Variants in MARCHF1 observed in about 807,000 individuals in gnomAD.
MARCHF1 encodes the protein membrane associated ring-CH-type finger 1.
A neutral mutation model predicts 54.2 loss-of-function variants in MARCHF1; 40 were observed. The ratio of observed to expected loss-of-function variants is 0.74; its 90% CI spans 0.57 to 0.96. The LOEUF (loss-of-function observed/expected upper bound fraction) is 0.96, where lower values mean the gene tolerates loss of function less well. MARCHF1 is among the 40% of genes least tolerant of loss of function. The pLI is 0.00. For missense variants in MARCHF1, 586 were observed against 656.5 expected (o/e 0.89, Z 1.17); for synonymous variants, 236 against 236.3 (o/e 1.00, Z 0.01).
intron 7 of MARCHF1, among the ~76,000 whole-genome samples, chr4:163,592,877 C>A (rs764926618): frequency 9.2e-5 from 14 of 152,152 alleles, no homozygotes; most frequent in South Asian, 2.1e-4. Context: ...TTAAGATTCC[C>A]CCATTCCCTC....
intron 1 of MARCHF1, among the ~76,000 whole-genome samples, chr4:164,297,144 G>C (rs1298611117): frequency 6.6e-6 from 1 of 152,096 alleles, no homozygotes; most frequent in African/African-American, 2.4e-5. Flanking sequence ...ATGTAAAAAT[G>C]GTAGGTACTA....
intron 1 of MARCHF1, among the ~76,000 whole-genome samples, chr4:164,140,851 A>T (rs1756515267): frequency 6.6e-6 from 1 of 152,142 alleles, no homozygotes; most frequent in African/African-American, 2.4e-5. Flanking sequence ...CACAAAGTAC[A>T]TCTCTAACTA....
intron 4 of MARCHF1, among the ~76,000 whole-genome samples, chr4:163,816,687 G>C (rs116759425): frequency 6.6e-6 from 1 of 152,114 alleles, no homozygotes; most frequent in East Asian, 1.9e-4. Flanking sequence ...CCTTACAGAG[G>C]GGGGCACTGA....
rs367812161 is a variant in MARCHF1, at chr4:164,062,186, A to T, written c.-248+49402T>A. The stretch of plus-strand genomic sequence containing the variant: ...GCTCATCCATAAGAAACAACTTCTC[A>T]TTCATTTAAATTTTATCATGAGATT... On this transcript the variant is annotated intron_variant, in intron 2 of 9. Transcript: ENST00000514618. Among the ~76,000 whole-genome samples, 70 of 152,346 alleles carry T rather than the reference A, an allele frequency of 4.6e-4. 1 individual carries two copies. The East Asian group carries it at 7.3e-3, about 16-fold the overall frequency.
At chr4:163,867,364 T>TGACAATAAATATAAATTTGGC in intron 3 of MARCHF1, among the ~76,000 whole-genome samples, 1 of 152,102 alleles carries the variant, frequency 6.6e-6, no homozygotes, top group South Asian at 2.1e-4. Flanking sequence ...CTGGTGATAA[T>TGACAATAAATATAAATTTGGC]GACAATAAAT....
At chr4:163,865,291 A>T (rs1750024443) in intron 3 of MARCHF1, among the ~76,000 whole-genome samples, 1 of 151,924 alleles carries the variant, frequency 6.6e-6, no homozygotes, top group African/African-American at 2.4e-5. Context: ...AGCTTTCTCC[A>T]GTGTGAAACA....
At chr4:163,712,762 C>T (rs1435629102) in intron 4 of MARCHF1, among the ~76,000 whole-genome samples, 2 of 152,108 alleles carry the variant, frequency 1.3e-5, no homozygotes, top group South Asian at 2.1e-4. Context: ...AACAAAGTGC[C>T]AGGAAAGTTG....
At chr4:164,035,236 T>C (rs1293885272) in intron 2 of MARCHF1, among the ~76,000 whole-genome samples, 1 of 152,140 alleles carries the variant, frequency 6.6e-6, no homozygotes, top group African/African-American at 2.4e-5. Flanking sequence ...TTTCCAATGT[T>C]ATTCTAAATG....
chr4:163,761,921 A>G (rs1488645955), intron 4 of MARCHF1, among the ~76,000 whole-genome samples: 1 of 152,190 alleles, frequency 6.6e-6, no homozygotes, highest in Non-Finnish European at 1.5e-5. Flanking sequence ...CTAACTGATA[A>G]AGCCTTTATG....
intron 4 of MARCHF1, among the ~76,000 whole-genome samples, chr4:163,721,587 T>A (rs1346660254): frequency 6.6e-6 from 1 of 152,166 alleles, no homozygotes; most frequent in Non-Finnish European, 1.5e-5. Flanking sequence ...TTGATTGGAA[T>A]AGTTTCAGAA....
Position 163,529,174 on chromosome 4 carries a change from T to C in MARCHF1, c.1340-128A>G, listed in dbSNP as rs1033586893. 3 of 663,296 alleles carry C rather than the reference T, an allele frequency of 4.5e-6. No individual in the cohort carries two copies. The Admixed American group carries it at 9.0e-5, about 20-fold the overall frequency. The allele number at this position is 663,296 out of a possible 1,614,324, so 41.1% of individuals were successfully genotyped here. A position where few individuals can be genotyped will look rare whatever the true frequency, so the allele number is the denominator to read the frequency against. ...ATTATGTATGTTAACAGAAATAATATATTCTTCATAACTAGAAAGAATTAT... is the reference window on the plus strand; with the variant it reads ...ATTATGTATGTTAACAGAAATAATACATTCTTCATAACTAGAAAGAATTAT... On this transcript the variant is annotated intron_variant, in intron 9 of 9. Coordinates refer to ENST00000514618, the MANE Select transcript of MARCHF1 (RefSeq NM_001394959.1).
intron 1 of MARCHF1, among the ~76,000 whole-genome samples, chr4:164,202,098 A>C (rs1458024525): frequency 1.3e-5 from 2 of 152,308 alleles, no homozygotes; most frequent in African/African-American, 4.8e-5. Context: ...CATGCAAAAC[A>C]TTATGCTATG....
At chr4:164,080,760 A>C (rs1431164613) in intron 2 of MARCHF1, among the ~76,000 whole-genome samples, 1 of 152,008 alleles carries the variant, frequency 6.6e-6, no homozygotes, top group Non-Finnish European at 1.5e-5. Context: ...AAAAATGTAA[A>C]AAGCATAAAA....
chr4:163,733,729 T>C (rs1745950436), intron 4 of MARCHF1, among the ~76,000 whole-genome samples: 2 of 151,884 alleles, frequency 1.3e-5, no homozygotes, highest in Admixed American at 6.6e-5. Flanking sequence ...AAAGAAAACA[T>C]AGAAGAAATT....
At position 163,887,212 on chromosome 4, in the gene MARCHF1, G is replaced by C. The variant is rs533330627; in HGVS notation, c.-38-33043C>G. Among the ~76,000 whole-genome samples the C allele has an allele frequency of 4.6e-5, 7 of 152,118 alleles. No individual in the cohort carries two copies. The South Asian group carries it at 1.5e-3, about 32-fold the overall frequency. On this transcript the variant is annotated intron_variant, in intron 3 of 9. Transcript: ENST00000514618. ...AGAAAAGAAAGAGGTAGATATGATT[G>C]AAAGTAATTAATAGATGTATGATTG...
intron 1 of MARCHF1, among the ~76,000 whole-genome samples, chr4:164,311,641 G>A (rs913860410): frequency 3.3e-5 from 5 of 152,062 alleles, no homozygotes; most frequent in Admixed American, 3.3e-4. Flanking sequence ...ATTAATCTTG[G>A]TGATTATCTT....
intron 3 of MARCHF1, among the ~76,000 whole-genome samples, chr4:163,888,084 A>G (rs536714491): frequency 6.6e-5 from 10 of 152,276 alleles, no homozygotes; most frequent in South Asian, 4.1e-4. Context: ...CTGCGCTTTA[A>G]AACTATTAAC....
chr4:164,383,373 G>A (rs1304591673), intron 1 of MARCHF1: 2 of 152,370 alleles, frequency 1.3e-5, no homozygotes, highest in African/African-American at 4.8e-5. Context: ...GCTGCCCTGT[G>A]TCTTCCGTAC....
intron 1 of MARCHF1, among the ~76,000 whole-genome samples, chr4:164,148,498 T>C (rs1465821825): frequency 1.3e-5 from 2 of 152,134 alleles, no homozygotes; most frequent in Non-Finnish European, 2.9e-5. Flanking sequence ...CTAATTTCTT[T>C]ATTCATACTT....
Sources: allele counts gnomAD v4.1 joint callset (sites outside exome capture counted in the v4.1 genomes callset), GRCh38; gene constraint gnomAD v4.1.1; transcripts MANE v1.5; gene names NCBI Gene and HGNC (gene_info 2026-07-23, HGNC 2026-07-21).